MAPKAP1: variants seen among roughly 807,000 people sequenced by gnomAD.
MAPKAP1 encodes target of rapamycin complex 2 subunit MAPKAP1.
A neutral mutation model predicts 65.7 loss-of-function variants in MAPKAP1; 20 were observed. The ratio of observed to expected loss-of-function variants is 0.30; its 90% CI spans 0.21 to 0.44. The LOEUF (loss-of-function observed/expected upper bound fraction) is 0.44. Ranked by LOEUF, MAPKAP1 falls within the 20% of genes least tolerant of loss-of-function variation. The pLI is 1.00. For synonymous variants in MAPKAP1, 222 were observed against 244.3 expected, an observed-to-expected ratio of 0.91 and a Z score of 0.85; for missense variants, 423 against 648.0, an observed-to-expected ratio of 0.65 and a Z score of 3.77.
intron 4 of MAPKAP1, among the ~76,000 whole-genome samples, chr9:125,636,606 A>AGT (rs1284504845): frequency 1.3e-5 from 2 of 152,230 alleles, no homozygotes; most frequent in African/African-American, 4.8e-5. Flanking sequence ...AGGTGCATCC[A>AGT]GTGTATCTAC....
rs561432887 is a variant in MAPKAP1, at chr9:125,482,717, T to A, written c.1207+1726A>T. Among the ~76,000 whole-genome samples, 188 of 152,292 alleles carry A rather than the reference T, an allele frequency of 1.2e-3. 2 individuals are homozygous for A. Among genetic ancestry groups the A allele is most frequent in the African/African-American group, 4.3e-3 (178 of 41,564 alleles). On this transcript the variant is annotated intron_variant, in intron 9 of 11. Coordinates refer to ENST00000265960, the MANE Select transcript of MAPKAP1 (RefSeq NM_001006617.3). The stretch of plus-strand genomic sequence containing the variant: ...AAAAATGAGTTTTGTTATATGTCAT[T>A]TCACTTAAAGTTACAGTTTCCAAGA...
intron 4 of MAPKAP1, among the ~76,000 whole-genome samples, chr9:125,613,245 C>T (rs1454038655): frequency 6.6e-6 from 1 of 152,190 alleles, no homozygotes; most frequent in Non-Finnish European, 1.5e-5. Context: ...CCAGTAAACC[C>T]AAGCAGCACC....
At chr9:125,448,406 C>T (rs1218546545) in intron 10 of MAPKAP1, among the ~76,000 whole-genome samples, 5 of 152,112 alleles carry the variant, frequency 3.3e-5, no homozygotes, top group African/African-American at 1.2e-4. Context: ...AGTAAATTTC[C>T]ACCATAGGTG....
Position 125,543,038 on chromosome 9 carries a change from AAT to A in MAPKAP1, c.958+19_958+20del, listed in dbSNP as rs1477204984. ...AGGGTTAAGCTTCTACTACTGTGAG[AAT>A]ATGATTTAACTATCCCACCTGAAAC... On this transcript the variant is annotated intron_variant, in intron 7 of 11. Transcript: ENST00000265960. 2.7e-6 allele frequency: 4 copies of A among 1,480,310 alleles called. No homozygotes were observed. The highest frequency in any genetic ancestry group is 3.8e-6 in the Non-Finnish European group (4 of 1,058,100). 91.7% of individuals were successfully genotyped at this position (1,480,310 alleles called of 1,614,324 possible). A position where few individuals can be genotyped will look rare whatever the true frequency, so the allele number is the denominator to read the frequency against.
intron 1 of MAPKAP1, among the ~76,000 whole-genome samples, chr9:125,688,957 T>C (rs1163633426): frequency 6.6e-6 from 1 of 152,158 alleles, no homozygotes; most frequent in East Asian, 1.9e-4. Context: ...CATCTTAATC[T>C]TCTTACTCCA....
At chr9:125,626,362 C>T (rs1338908823) in intron 4 of MAPKAP1, among the ~76,000 whole-genome samples, 1 of 152,200 alleles carries the variant, frequency 6.6e-6, no homozygotes, top group Non-Finnish European at 1.5e-5. Context: ...GCTCTAGCTC[C>T]CTCTGACCCC....
chr9:125,463,812 C>CTTAAAAGAGATATAT (rs1853582368), intron 10 of MAPKAP1, among the ~76,000 whole-genome samples: 1 of 152,164 alleles, frequency 6.6e-6, no homozygotes, highest in Non-Finnish European at 1.5e-5. Context: ...TGAGATACAG[C>CTTAAAAGAGATATAT]GCTCTTTTCA....
At chr9:125,514,306 T>C (rs1450625543) in intron 7 of MAPKAP1, among the ~76,000 whole-genome samples, 4 of 152,126 alleles carry the variant, frequency 2.6e-5, no homozygotes, top group Admixed American at 6.5e-5. Context: ...GGAACACTCA[T>C]TGGGCTCTTC....
At chr9:125,616,676 A>G (rs900626936) in intron 4 of MAPKAP1, among the ~76,000 whole-genome samples, 2 of 152,258 alleles carry the variant, frequency 1.3e-5, no homozygotes, top group South Asian at 2.1e-4. Context: ...AAGACTAGAA[A>G]AAACTAAGTC....
At chr9:125,445,368 A>ACAC (rs1852672610) in intron 10 of MAPKAP1, among the ~76,000 whole-genome samples, 1 of 151,786 alleles carries the variant, frequency 6.6e-6, no homozygotes, top group African/African-American at 2.4e-5. Flanking sequence ...CCCACCTGCC[A>ACAC]CACCAGCCTC....
intron 4 of MAPKAP1, among the ~76,000 whole-genome samples, chr9:125,637,647 CCTCT>C (rs1392122145): frequency 6.6e-6 from 1 of 152,178 alleles, no homozygotes; most frequent in African/African-American, 2.4e-5. Flanking sequence ...GGGGTTTTCT[CCTCT>C]CTGTTTCTTA....
intron 8 of MAPKAP1, among the ~76,000 whole-genome samples, chr9:125,485,492 C>T (rs1353648113): frequency 6.6e-6 from 1 of 152,226 alleles, no homozygotes; most frequent in Admixed American, 6.5e-5. Context: ...ATCGGGGCAG[C>T]CCATAATGTG....
At chr9:125,657,011 C>G (rs1554838099) in intron 4 of MAPKAP1, among the ~76,000 whole-genome samples, 1 of 152,166 alleles carries the variant, frequency 6.6e-6, no homozygotes, top group Non-Finnish European at 1.5e-5. Context: ...CAAGATCCCC[C>G]TACAGTGAAA....
chr9:125,666,132 C>A (rs1834333983), intron 3 of MAPKAP1, among the ~76,000 whole-genome samples: 1 of 152,116 alleles, frequency 6.6e-6, no homozygotes, highest in Non-Finnish European at 1.5e-5. Flanking sequence ...GACATTATTC[C>A]TAACAAAGCA....
chr9:125,587,203 ATT>A (rs1398230021), intron 4 of MAPKAP1, among the ~76,000 whole-genome samples: 1 of 152,252 alleles, frequency 6.6e-6, no homozygotes, highest in Non-Finnish European at 1.5e-5. Context: ...TTAGGCAACG[ATT>A]TCTTTAATAT....
chr9:125,662,684 A>C (rs1396520090), intron 3 of MAPKAP1, among the ~76,000 whole-genome samples: 1 of 152,072 alleles, frequency 6.6e-6, no homozygotes, highest in East Asian at 1.9e-4. Context: ...CTCCGTCTTA[A>C]AAAAAATAAA....
chr9:125,513,440 G>A (rs1342741974), intron 7 of MAPKAP1, among the ~76,000 whole-genome samples: 1 of 152,274 alleles, frequency 6.6e-6, no homozygotes, highest in Non-Finnish European at 1.5e-5. Flanking sequence ...AGAGCTTCTG[G>A]TAGCCAGAAA....
chr9:125,665,144 A>G (rs1834304506), intron 3 of MAPKAP1, among the ~76,000 whole-genome samples: 1 of 151,950 alleles, frequency 6.6e-6, no homozygotes, highest in Non-Finnish European at 1.5e-5. Context: ...TCTACTAAAA[A>G]TGTTTTTTAA....
At chr9:125,657,858 T>C in intron 3 of MAPKAP1, 59 bp from the exon 4 acceptor site, 1 of 1,549,816 alleles carries the variant, frequency 6.5e-7, no homozygotes, top group Non-Finnish European at 8.8e-7. Flanking sequence ...CTTGTCCACC[T>C]TCCCTAAAAA....
Sources: allele counts gnomAD v4.1 joint callset (sites outside exome capture counted in the v4.1 genomes callset), GRCh38; gene constraint gnomAD v4.1.1; transcripts MANE v1.5; gene names NCBI Gene and HGNC (gene_info 2026-07-23, HGNC 2026-07-21).